Variants in SHANK2 observed in about 807,000 individuals in gnomAD.
SHANK2 encodes SH3 and multiple ankyrin repeat domains 2, also known as SH3 and multiple ankyrin repeat domains protein 2.
In SHANK2, 43 loss-of-function variants were observed where a neutral mutation model predicts 133.7. The observed-to-expected ratio is 0.32, with a 90% CI of 0.25 to 0.41. The LOEUF (loss-of-function observed/expected upper bound fraction) is 0.41, where lower values mean the gene tolerates loss of function less well. SHANK2 is among the 10% of genes least tolerant of loss of function. SHANK2 has a pLI of 1.00. For missense variants in SHANK2, 1,994 were observed against 2,235.8 expected, an observed-to-expected ratio of 0.89 and a Z score of 2.18; for synonymous variants, 1,017 against 952.8, an observed-to-expected ratio of 1.07 and a Z score of -1.24.
At chr11:71,210,526 A>G (rs1954252309) in intron 2 of SHANK2, among the ~76,000 whole-genome samples, 1 of 151,930 alleles carries the variant, frequency 6.6e-6, no homozygotes, top group Non-Finnish European at 1.5e-5. Context: ...CTGGGATTAC[A>G]GGTGTGAGCC....
intron 11 of SHANK2, among the ~76,000 whole-genome samples, chr11:70,831,639 A>C (rs1948727103): frequency 6.6e-6 from 1 of 152,270 alleles, no homozygotes; most frequent in Non-Finnish European, 1.5e-5. Flanking sequence ...AACGGACTGA[A>C]AATAATTTCA....
chr11:70,928,325 G>T (rs1950457089), intron 10 of SHANK2, among the ~76,000 whole-genome samples: 1 of 152,192 alleles, frequency 6.6e-6, no homozygotes, highest in Non-Finnish European at 1.5e-5. Context: ...GGAAGGCAGA[G>T]ATCTGAGACA....
intron 14 of SHANK2, among the ~76,000 whole-genome samples, chr11:70,797,240 C>A (rs567994337): frequency 6.6e-6 from 1 of 152,338 alleles, no homozygotes; most frequent in East Asian, 1.9e-4. Flanking sequence ...GGAAGACCAG[C>A]TTTGTTGGTA....
intron 17 of SHANK2, among the ~76,000 whole-genome samples, chr11:70,572,897 G>C (rs1190247201): frequency 1.3e-5 from 2 of 152,304 alleles, no homozygotes; most frequent in African/African-American, 4.8e-5. Flanking sequence ...CCTCTTCTGA[G>C]TATCCAAGAG....
At chr11:70,690,494 T>TG (rs1945260201) in intron 15 of SHANK2, among the ~76,000 whole-genome samples, 4 of 67,486 alleles carry the variant, frequency 5.9e-5, no homozygotes, top group Admixed American at 1.7e-4. Flanking sequence ...CCATGTTTTT[T>TG]TTTTTTTTTT....
chr11:70,921,150 G>A (rs1319436206), intron 10 of SHANK2, among the ~76,000 whole-genome samples: 1 of 152,200 alleles, frequency 6.6e-6, no homozygotes, highest in Non-Finnish European at 1.5e-5. Flanking sequence ...CAGATATGAT[G>A]AAGTAGCTAG....
intron 17 of SHANK2, among the ~76,000 whole-genome samples, chr11:70,549,860 C>T (rs1282502896): frequency 6.6e-6 from 1 of 152,236 alleles, no homozygotes; most frequent in East Asian, 1.9e-4. Context: ...TTTCACCAGG[C>T]AAGGGGCTTG....
At chr11:70,927,874 G>C (rs1458453124) in intron 10 of SHANK2, among the ~76,000 whole-genome samples, 1 of 152,098 alleles carries the variant, frequency 6.6e-6, no homozygotes, top group African/African-American at 2.4e-5. Flanking sequence ...AAGAGGAAGG[G>C]GGCATTAGCT....
intron 2 of SHANK2, among the ~76,000 whole-genome samples, chr11:71,208,577 G>C (rs1300049386): frequency 5.9e-5 from 9 of 151,782 alleles, no homozygotes; most frequent in African/African-American, 2.2e-4. Flanking sequence ...GTATAAAACA[G>C]CCCTGCCTCA....
chr11:70,531,533 A>T (rs1371648629), intron 17 of SHANK2, among the ~76,000 whole-genome samples: 1 of 152,338 alleles, frequency 6.6e-6, no homozygotes, highest in East Asian at 1.9e-4. Context: ...GCCTGGGATC[A>T]TGCCAGGGCA....
chr11:71,059,230 A>G (rs1434598561), intron 9 of SHANK2, among the ~76,000 whole-genome samples: 1 of 152,190 alleles, frequency 6.6e-6, no homozygotes, highest in Non-Finnish European at 1.5e-5. Context: ...AAAAATAAAT[A>G]AATAAAATAA....
intron 1 of SHANK2, among the ~76,000 whole-genome samples, chr11:71,226,076 C>G (rs1362244690): frequency 1.3e-5 from 2 of 152,282 alleles, no homozygotes; most frequent in African/African-American, 4.8e-5. Flanking sequence ...GAGCTGAGAT[C>G]ATGCCATGCA....
intron 10 of SHANK2, among the ~76,000 whole-genome samples, chr11:70,913,165 C>G (rs782611576): frequency 1.1e-4 from 16 of 151,220 alleles, no homozygotes; most frequent in Middle Eastern, 3.5e-3. Context: ...TAGGTCATGT[C>G]GTTTAGAAAA....
intron 2 of SHANK2, among the ~76,000 whole-genome samples, chr11:71,210,239 TATATATATATA>T (rs1565516726): frequency 1.6e-4 from 17 of 105,826 alleles, no homozygotes; most frequent in African/African-American, 4.4e-4. Flanking sequence ...TATATATATA[TATATATATATA>T]TATTTATTTA....
chr11:70,633,344 G>C (rs1179168230), intron 17 of SHANK2, among the ~76,000 whole-genome samples: 6 of 151,552 alleles, frequency 4.0e-5, no homozygotes, highest in African/African-American at 1.2e-4. Flanking sequence ...TGGTGAGGAA[G>C]AGAGAGACAG....
chr11:70,952,875 G>A, intron 10 of SHANK2: 1 of 341,326 alleles, frequency 2.9e-6, no homozygotes, highest in Non-Finnish European at 6.4e-6. Context: ...AACCTTCCAT[G>A]CAGTCCTGTA....
intron 17 of SHANK2, among the ~76,000 whole-genome samples, chr11:70,534,683 C>T (rs904661289): frequency 6.6e-6 from 1 of 152,300 alleles, no homozygotes; most frequent in African/African-American, 2.4e-5. Flanking sequence ...CCTAAGACTG[C>T]TGGGGAGTCC....
rs573014425 is a variant in SHANK2, at chr11:70,555,742, C to A, written c.2062-52811G>T. 1.6e-3 allele frequency among the ~76,000 whole-genome samples: 249 copies of A among 152,208 alleles called. 1 individual carries two copies. Among genetic ancestry groups the A allele is most frequent in the Non-Finnish European group, 3.0e-3 (202 of 68,012 alleles). ...CCCTGTTTCAAAAGAACAACAACAACAAAAAAGCGCTACTCCAGTGAACAT... is the reference window on the plus strand; with the variant it reads ...CCCTGTTTCAAAAGAACAACAACAAAAAAAAAGCGCTACTCCAGTGAACAT... On this transcript the variant is annotated intron_variant, in intron 17 of 25. Transcript: ENST00000601538.
rs970954749 is a variant in SHANK2, at chr11:70,469,400, G to A, written c.*3469C>T. On this transcript the variant is annotated 3_prime_UTR_variant, in exon 26 of 26. Coordinates refer to ENST00000601538, the MANE Select transcript of SHANK2 (RefSeq NM_012309.5). ...CAGCTTTTTGTTTAATTCAGACAGT[G>A]TTCACTGTTTGTTTGCAATCAGAAC... 1.3e-5 allele frequency: 2 copies of A among 152,440 alleles called. No individual in the cohort carries two copies. Among genetic ancestry groups the A allele is most frequent in the East Asian group, 1.9e-4 (1 of 5,176 alleles). 9.4% of individuals were successfully genotyped at this position (152,440 alleles called of 1,614,324 possible). A position where few individuals can be genotyped will look rare whatever the true frequency, so the allele number is the denominator to read the frequency against.
Sources: allele counts gnomAD v4.1 joint callset (sites outside exome capture counted in the v4.1 genomes callset), GRCh38; gene constraint gnomAD v4.1.1; transcripts MANE v1.5; gene names NCBI Gene and HGNC (gene_info 2026-07-23, HGNC 2026-07-21).